Variants in KCNT2 observed in about 807,000 individuals in gnomAD.
KCNT2 encodes potassium sodium-activated channel subfamily T member 2, also known as potassium channel subfamily T member 2.
KCNT2 carries 67 observed loss-of-function variants against 153.8 expected under a neutral mutation model. The ratio of observed to expected loss-of-function variants is 0.44; its 90% CI spans 0.36 to 0.53. KCNT2 has a LOEUF of 0.53. KCNT2 is among the 20% of genes least tolerant of loss of function. KCNT2 has a pLI of 0.00. For missense variants in KCNT2, 975 were observed against 1,354.8 expected, an observed-to-expected ratio of 0.72 and a Z score of 4.40; for synonymous variants, 500 against 458.8, an observed-to-expected ratio of 1.09 and a Z score of -1.15.
At chr1:196,404,434 C>T (rs560783828) in intron 12 of KCNT2, among the ~76,000 whole-genome samples, 3 of 151,810 alleles carry the variant, frequency 2.0e-5, no homozygotes, top group Non-Finnish European at 3.0e-5. Context: ...CTTAACAAGG[C>T]TTACGACAAC....
At chr1:196,505,287 T>G (rs879868652) in intron 1 of KCNT2, among the ~76,000 whole-genome samples, 43 of 152,214 alleles carry the variant, frequency 2.8e-4, no homozygotes, top group Non-Finnish European at 5.7e-4. Flanking sequence ...GGATCCAGTT[T>G]CAGCTTTCTA....
chr1:196,248,135 G>T (rs1655618775), intron 26 of KCNT2, among the ~76,000 whole-genome samples: 1 of 151,766 alleles, frequency 6.6e-6, no homozygotes, highest in Non-Finnish European at 1.5e-5. Context: ...AAATCTATGG[G>T]GTACAATGAA....
intron 3 of KCNT2, among the ~76,000 whole-genome samples, chr1:196,487,459 T>G (rs139100693): frequency 6.6e-6 from 1 of 151,734 alleles, no homozygotes; most frequent in South Asian, 2.1e-4. Context: ...TGTCTGTGTG[T>G]GTATGTTTGT....
chr1:196,296,245 CAT>C, intron 22 of KCNT2, among the ~76,000 whole-genome samples: 1 of 151,576 alleles, frequency 6.6e-6, no homozygotes, highest in East Asian at 1.9e-4. Context: ...AAAAATATTA[CAT>C]AAATAAATAA....
chr1:196,325,882 C>T (rs1168413787), intron 19 of KCNT2, among the ~76,000 whole-genome samples: 1 of 152,052 alleles, frequency 6.6e-6, no homozygotes, highest in Non-Finnish European at 1.5e-5. Flanking sequence ...ATGTACTGGG[C>T]AGATGTCTCT....
chr1:196,500,257 G>T (rs1680577213), intron 1 of KCNT2, among the ~76,000 whole-genome samples: 1 of 72,580 alleles, frequency 1.4e-5, no homozygotes, highest in African/African-American at 7.1e-5. Flanking sequence ...AAAGAAAAAG[G>T]AAGGAAGGAA....
chr1:196,596,187 T>C (rs1371154087), intron 1 of KCNT2, among the ~76,000 whole-genome samples: 1 of 151,766 alleles, frequency 6.6e-6, no homozygotes, highest in Non-Finnish European at 1.5e-5. Context: ...GCTATAAATA[T>C]GCATGTGCAT....
In KCNT2 at chr1:196,369,105, C is replaced by T. The variant is rs763464174; in HGVS notation, c.1403+4035G>A. Among the ~76,000 whole-genome samples, 94 of 151,958 alleles carry T rather than the reference C, an allele frequency of 6.2e-4. 1 individual carries two copies. Among genetic ancestry groups the T allele is most frequent in the Non-Finnish European group, 4.0e-4 (27 of 68,016 alleles). On this transcript the variant is annotated intron_variant, in intron 14 of 27. Coordinates refer to ENST00000294725, the MANE Select transcript of KCNT2 (RefSeq NM_198503.5). ...TTATTACTGAGGTGAAAAAGATTAC[C>T]TCATGGATGGGACTAATTAAGTATT...
intron 26 of KCNT2, among the ~76,000 whole-genome samples, chr1:196,238,837 TAAAAA>T (rs1448670260): frequency 1.3e-5 from 2 of 151,788 alleles, no homozygotes; most frequent in African/African-American, 4.8e-5. Flanking sequence ...TAATAATAAT[TAAAAA>T]AGAATTAAAA....
At chr1:196,258,171 A>G (rs1169205935) in intron 26 of KCNT2, 23 bp downstream of exon 26, 2 of 1,610,194 alleles carry the variant, frequency 1.2e-6, no homozygotes, top group Non-Finnish European at 1.7e-6. Context: ...GTCCATATAT[A>G]CAGTAGTTTT....
chr1:196,256,237 A>G lies in KCNT2; in HGVS notation c.3211+1957T>C, dbSNP rs550179959. ...CTGAAATCAAGTTTATAAACCTGGT[A>G]CCACTGAGCCATTTTTTAAGCCTGG... On this transcript the variant is annotated intron_variant, in intron 26 of 27. Coordinates refer to ENST00000294725, the MANE Select transcript of KCNT2 (RefSeq NM_198503.5). Among the ~76,000 whole-genome samples, 7 of 152,076 alleles carry G rather than the reference A, an allele frequency of 4.6e-5. No homozygotes were observed. In the South Asian group the frequency reaches 1.5e-3, roughly 32 times the overall value.
intron 8 of KCNT2, among the ~76,000 whole-genome samples, chr1:196,441,158 C>T (rs1220424802): frequency 2.6e-5 from 4 of 151,652 alleles, no homozygotes; most frequent in African/African-American, 9.7e-5. Flanking sequence ...TAACTGAAAC[C>T]GTGTTAAATC....
At chr1:196,247,125 T>C (rs909902954) in intron 26 of KCNT2, among the ~76,000 whole-genome samples, 4 of 151,714 alleles carry the variant, frequency 2.6e-5, no homozygotes, top group African/African-American at 9.7e-5. Flanking sequence ...CAAAAAAGAC[T>C]AGGAGAAATG....
chr1:196,231,171 T>A (rs1571727522), intron 27 of KCNT2, among the ~76,000 whole-genome samples: 1 of 152,086 alleles, frequency 6.6e-6, no homozygotes, highest in Admixed American at 6.6e-5. Context: ...CTAGCATTTT[T>A]TTTTTAGCAA....
intron 1 of KCNT2, among the ~76,000 whole-genome samples, chr1:196,508,669 C>A (rs1043898635): frequency 6.6e-5 from 10 of 152,046 alleles, no homozygotes; most frequent in Admixed American, 2.0e-4. Flanking sequence ...ACAATATTGG[C>A]TAATAAACTT....
Position 196,277,592 on chromosome 1 carries a change from G to T in KCNT2, c.2910+3268C>A, listed in dbSNP as rs113561045. 5.2e-3 allele frequency among the ~76,000 whole-genome samples: 792 copies of T among 152,182 alleles called. 9 individuals are homozygous for T. Among genetic ancestry groups the T allele is most frequent in the African/African-American group, 0.018 (745 of 41,520 alleles). On this transcript the variant is annotated intron_variant, in intron 25 of 27. Transcript: ENST00000294725. ...GCTTTCTGAACTGTTGAGGAAAATT[G>T]AGATCTGACAGCAACCTAAGCAAAA...
intron 19 of KCNT2, among the ~76,000 whole-genome samples, chr1:196,324,768 TAA>T (rs1326011947): frequency 6.6e-6 from 1 of 152,050 alleles, no homozygotes; most frequent in Non-Finnish European, 1.5e-5. Context: ...TGTCAGTAAT[TAA>T]GAGAGGTAGA....
At chr1:196,410,154 C>T (rs4475693) in intron 12 of KCNT2, among the ~76,000 whole-genome samples, 137,891 of 150,620 alleles carry the variant, frequency 0.92, 62,859 homozygotes, top group South Asian at 0.99. Flanking sequence ...TATTTCCTTT[C>T]GTGTGTGTGT....
chr1:196,378,691 A>G (rs1416308140), intron 13 of KCNT2, among the ~76,000 whole-genome samples: 1 of 148,760 alleles, frequency 6.7e-6, no homozygotes, highest in Non-Finnish European at 1.5e-5. Context: ...AAACAACATT[A>G]TATATGTAAG....
Sources: allele counts gnomAD v4.1 joint callset (sites outside exome capture counted in the v4.1 genomes callset), GRCh38; gene constraint gnomAD v4.1.1; transcripts MANE v1.5; gene names NCBI Gene and HGNC (gene_info 2026-07-23, HGNC 2026-07-21).